The following JAZF1 variants were observed in gnomAD, a reference collection of about 807,000 sequenced individuals.
JAZF1 encodes juxtaposed with another zinc finger protein 1.
Under a neutral mutation model 26.4 loss-of-function variants are expected in JAZF1, and 8 were observed. That is an observed-to-expected ratio of 0.30 (90% CI 0.18 to 0.55). The LOEUF is 0.55. Among genes scored for constraint, JAZF1 ranks in the 20% least tolerant of loss-of-function variants. The probability of loss-of-function intolerance (pLI) is 0.94; values close to 1 mark genes in which losing one functional copy is unlikely to be tolerated. For missense variants in JAZF1, 199 were observed against 322.0 expected (o/e 0.62, Z 2.92); for synonymous variants, 126 against 122.3 (o/e 1.03, Z -0.20).
At chr7:27,916,465 C>T (rs1350148436) in intron 2 of JAZF1, among the ~76,000 whole-genome samples, 3 of 152,140 alleles carry the variant, frequency 2.0e-5, no homozygotes, top group African/African-American at 4.8e-5. Flanking sequence ...TGGACTAATA[C>T]ATGACCTTGT....
At chr7:27,928,869 T>C (rs763864981) in intron 2 of JAZF1, among the ~76,000 whole-genome samples, 22 of 152,116 alleles carry the variant, frequency 1.4e-4, no homozygotes, top group Non-Finnish European at 2.6e-4. Context: ...ATGAAACAAT[T>C]TGTACAACAA....
At chr7:27,833,234 C>T in intron 4 of JAZF1, 1 of 239,580 alleles carries the variant, frequency 4.2e-6, no homozygotes. Flanking sequence ...TGATTTCTTC[C>T]AATTTTATAT....
intron 1 of JAZF1, among the ~76,000 whole-genome samples, chr7:28,014,831 A>T (rs1365120671): frequency 2.6e-5 from 4 of 152,196 alleles, no homozygotes; most frequent in Non-Finnish European, 5.9e-5. Flanking sequence ...AGTAAACAGG[A>T]AACTATGTTC....
At chr7:28,111,079 C>G (rs750566447) in intron 1 of JAZF1, among the ~76,000 whole-genome samples, 14 of 152,110 alleles carry the variant, frequency 9.2e-5, no homozygotes, top group Non-Finnish European at 1.8e-4. Flanking sequence ...CTAGATCTGG[C>G]TGAAGAAAAG....
At chr7:27,834,349 C>CT (rs1562756647) in intron 4 of JAZF1, among the ~76,000 whole-genome samples, 2 of 152,128 alleles carry the variant, frequency 1.3e-5, no homozygotes, top group Non-Finnish European at 2.9e-5. Flanking sequence ...CACATGAATG[C>CT]TTTTTTAAAA....
chr7:27,943,846 C>T (rs1429946230), intron 2 of JAZF1, among the ~76,000 whole-genome samples: 5 of 152,196 alleles, frequency 3.3e-5, no homozygotes, highest in African/African-American at 1.2e-4. Flanking sequence ...CAGTTTTCAA[C>T]ATCCTGATGC....
At chr7:28,139,929 T>C (rs553328584) in intron 1 of JAZF1, among the ~76,000 whole-genome samples, 2 of 152,116 alleles carry the variant, frequency 1.3e-5, no homozygotes, top group Non-Finnish European at 2.9e-5. Context: ...TTAGAGTATA[T>C]GTATTTGGGG....
At chr7:27,852,625 T>C (rs1222816781) in intron 3 of JAZF1, among the ~76,000 whole-genome samples, 1 of 152,192 alleles carries the variant, frequency 6.6e-6, no homozygotes, top group Non-Finnish European at 1.5e-5. Context: ...CCCCAGGCCC[T>C]ACTTTTTCTA....
intron 2 of JAZF1, among the ~76,000 whole-genome samples, chr7:27,920,591 A>G (rs2128347732): frequency 6.6e-6 from 1 of 152,328 alleles, no homozygotes; most frequent in South Asian, 2.1e-4. Context: ...AATAGAAAAT[A>G]AATTCTGCTA....
At chr7:27,838,548 C>T (rs1782860851) in intron 4 of JAZF1, among the ~76,000 whole-genome samples, 1 of 152,238 alleles carries the variant, frequency 6.6e-6, no homozygotes, top group African/African-American at 2.4e-5. Flanking sequence ...GCCTTGAGAA[C>T]AAATGAGGTG....
chr7:27,950,326 AG>A (rs1477081224), intron 2 of JAZF1, among the ~76,000 whole-genome samples: 2 of 152,210 alleles, frequency 1.3e-5, no homozygotes, highest in Non-Finnish European at 2.9e-5. Context: ...GAATCACTTG[AG>A]GGACTAAATA....
chr7:27,832,790 G>T lies in JAZF1; in HGVS notation c.*10C>A. On this transcript the variant is annotated 3_prime_UTR_variant, in exon 5 of 5. Transcript: ENST00000283928. ...GGTGAGGATTTCTTGGCACAGTTATGACCAGCATGTTATTGCTGCATCTTC... is the reference window on the plus strand; with the variant it reads ...GGTGAGGATTTCTTGGCACAGTTATTACCAGCATGTTATTGCTGCATCTTC... 3.9e-6 allele frequency: 6 copies of T among 1,552,506 alleles called. No individual in the cohort carries two copies. The South Asian group carries it at 7.3e-5, about 19-fold the overall frequency.
chr7:27,853,231 G>A (rs1221479856), intron 3 of JAZF1, among the ~76,000 whole-genome samples: 3 of 152,128 alleles, frequency 2.0e-5, no homozygotes, highest in African/African-American at 7.2e-5. Context: ...CCTCCTCCCA[G>A]AAGAATTTCA....
At chr7:28,137,130 G>A (rs1782897742) in intron 1 of JAZF1, among the ~76,000 whole-genome samples, 1 of 152,204 alleles carries the variant, frequency 6.6e-6, no homozygotes, top group Admixed American at 6.5e-5. Context: ...TACCATGGTA[G>A]GGTAGGGACT....
chr7:28,084,729 A>T (rs1435686889), intron 1 of JAZF1, among the ~76,000 whole-genome samples: 1 of 152,200 alleles, frequency 6.6e-6, no homozygotes, highest in African/African-American at 2.4e-5. Context: ...AGCTCTGGGC[A>T]GGCTCCCTCT....
intron 1 of JAZF1, among the ~76,000 whole-genome samples, chr7:28,024,847 A>G (rs1248128681): frequency 1.3e-5 from 2 of 152,224 alleles, no homozygotes; most frequent in Admixed American, 6.5e-5. Flanking sequence ...AGGGGCAACA[A>G]GCATATTGGG....
chr7:28,010,229 G>C (rs1486376771), intron 1 of JAZF1, among the ~76,000 whole-genome samples: 1 of 152,172 alleles, frequency 6.6e-6, no homozygotes, highest in East Asian at 1.9e-4. Context: ...TGAAAGGAGA[G>C]GGTGGTCCAG....
chr7:28,112,567 A>G (rs982336459), intron 1 of JAZF1, among the ~76,000 whole-genome samples: 1 of 142,692 alleles, frequency 7.0e-6, no homozygotes, highest in Non-Finnish European at 1.5e-5. Context: ...CAATTGGTTT[A>G]AGATAAGATC....
At chr7:27,846,818 T>G (rs1346617442) in intron 3 of JAZF1, among the ~76,000 whole-genome samples, 2 of 152,220 alleles carry the variant, frequency 1.3e-5, no homozygotes, top group African/African-American at 4.8e-5. Context: ...TTTCTGCTAT[T>G]GAGTTGTATG....
Sources: allele counts gnomAD v4.1 joint callset (sites outside exome capture counted in the v4.1 genomes callset), GRCh38; gene constraint gnomAD v4.1.1; transcripts MANE v1.5; gene names NCBI Gene and HGNC (gene_info 2026-07-23, HGNC 2026-07-21).